Variants in CA4 observed in about 807,000 individuals in gnomAD.
CA4 encodes CA-IV.
A neutral mutation model predicts 34.5 loss-of-function variants in CA4; 24 were observed. That is an observed-to-expected ratio of 0.70 (90% CI 0.50 to 0.98). The LOEUF (loss-of-function observed/expected upper bound fraction) is 0.98. Ranked by LOEUF, CA4 falls within the 50% of genes least tolerant of loss-of-function variation. CA4 has a pLI of 0.00. For missense variants in CA4, 394 were observed against 396.7 expected (o/e 0.99, Z 0.06); for synonymous variants, 178 against 170.6 (o/e 1.04, Z -0.34).
At chr17:60,176,062 T>C in the CA4 span, among the ~76,000 whole-genome samples, 1 of 152,150 alleles carries the variant, frequency 6.6e-6, no homozygotes, top group Non-Finnish European at 1.5e-5. Context: ...GTGATCCACC[T>C]GCTTTGGCCT....
intron 5 of CA4, among the ~76,000 whole-genome samples, chr17:60,164,642 C>T (rs949627904): frequency 9.9e-5 from 15 of 152,146 alleles, no homozygotes; most frequent in Non-Finnish European, 2.1e-4. Context: ...CCACCTGCCT[C>T]GGCCTCCCAA....
At chr17:60,175,189 A>ATTTTTTTTTTTTTTTTTTT (rs555031745), downstream of CA4, among the ~76,000 whole-genome samples, 11 of 107,640 alleles carry the variant, frequency 1.0e-4, 1 homozygote, top group African/African-American at 4.5e-4. Flanking sequence ...CACCCAGCTG[A>ATTTTTTTTTTTTTTTTTTT]TTTTTTTTTT....
chr17:60,158,724 G>A (rs781415058), intron 7 of CA4: 2 of 528,336 alleles, frequency 3.8e-6, no homozygotes, highest in Admixed American at 6.3e-5. Context: ...ACAGCAGTGA[G>A]CCCAAAGGAC....
rs950725125 is a variant in CA4 at position 60,157,877 on chromosome 17, AG to A, written c.513+94del. The A allele has an allele frequency of 2.0e-6, 3 of 1,508,084 alleles. No homozygotes were observed. The African/African-American group carries it at 4.2e-5, about 21-fold the overall frequency. The allele number at this position is 1,508,084 out of a possible 1,614,324, so 93.4% of individuals were successfully genotyped here. A position where few individuals can be genotyped will look rare whatever the true frequency, so the allele number is the denominator to read the frequency against. Reference sequence around the variant, plus strand: ...AGACCTGGGACTCCAGCGAGGCAGGAGGGGGCGGGGAGACTCCAACTTCCGC... The same window carrying A: ...AGACCTGGGACTCCAGCGAGGCAGGAGGGGCGGGGAGACTCCAACTTCCGC... On this transcript the variant is annotated intron_variant, in intron 5 of 7. Transcript: ENST00000300900.
At chr17:60,155,250 C>A (rs770268873) in intron 1 of CA4, 64 bp from the exon 2 acceptor site, 7 of 1,491,782 alleles carry the variant, frequency 4.7e-6, no homozygotes, top group Non-Finnish European at 6.5e-6. Context: ...GCCTCTGATC[C>A]TCCTGTGTGT....
rs1285773904 is a variant in CA4 at position 60,156,752 on chromosome 17, C to A, written c.268+37C>A. On this transcript the variant is annotated intron_variant, in intron 3 of 7. Transcript: ENST00000300900. Reference sequence around the variant, plus strand: ...GGAGGCCCCAGGCAGGCCTGGGCACCCGAGTTCCCCAAGGACTGAGAGGAT... The same window carrying A: ...GGAGGCCCCAGGCAGGCCTGGGCACACGAGTTCCCCAAGGACTGAGAGGAT... 3 of 1,596,308 alleles carry A rather than the reference C, an allele frequency of 1.9e-6. No homozygotes were observed. In the South Asian group the frequency reaches 3.3e-5, roughly 18 times the overall value.
At chr17:60,152,543 G>C (rs1242576084) in intron 1 of CA4, among the ~76,000 whole-genome samples, 2 of 152,202 alleles carry the variant, frequency 1.3e-5, no homozygotes, top group East Asian at 3.8e-4. Flanking sequence ...GCCTGGACCA[G>C]ATGGGCCCCA....
At chr17:60,166,079 T>G (rs1311633394) in intron 5 of CA4, among the ~76,000 whole-genome samples, 1 of 152,178 alleles carries the variant, frequency 6.6e-6, no homozygotes, top group Non-Finnish European at 1.5e-5. Context: ...CCTCCCTCCC[T>G]AATGGGGCAC....
Position 60,156,697 on chromosome 17 carries a change from CA to C in CA4, c.254del (p.Asn85IlefsTer6). On this transcript the variant is annotated frameshift_variant, in exon 3 of 8. Coordinates refer to ENST00000300900, the MANE Select transcript of CA4 (RefSeq NM_000717.5). LOFTEE classifies it high-confidence loss of function. ...CGATAAGAAGCAAACGTGGACTGTCCAAAATAACGGGCACTCAGGTGGGCTG... is the reference window on the plus strand; with the variant it reads ...CGATAAGAAGCAAACGTGGACTGTCCAAATAACGGGCACTCAGGTGGGCTG... ...GYDKKQTWTV[Q>X]NNGHSVMMLL... is the part of the protein sequence containing the mutation. 6.2e-7 allele frequency: 1 copy of C among 1,614,122 alleles called. No individual in the cohort carries two copies. The highest frequency in any genetic ancestry group is 8.5e-7 in the Non-Finnish European group (1 of 1,179,976).
At chr17:60,159,635 C>A (rs1285838457), downstream of CA4, 1 of 626,330 alleles carries the variant, frequency 1.6e-6, no homozygotes, top group Non-Finnish European at 2.8e-6. Flanking sequence ...AGGGCGGGGG[C>A]TTTAAGGCCA....
chr17:60,162,566 C>A (rs2083804613), downstream of CA4, among the ~76,000 whole-genome samples: 1 of 151,824 alleles, frequency 6.6e-6, no homozygotes, highest in South Asian at 2.1e-4. Flanking sequence ...CACACACACA[C>A]ACACACACAC....
intron 1 of CA4, chr17:60,151,367 G>T (rs78790821): frequency 0.019 from 2,870 of 152,326 alleles, 36 homozygotes; most frequent in Middle Eastern, 0.034. Flanking sequence ...GGGTCGAGGG[G>T]CACCTTGCAG....
chr17:60,173,145 AAAACAAAC>A (rs370806539), downstream of CA4, among the ~76,000 whole-genome samples: 282 of 152,234 alleles, frequency 1.9e-3, 2 homozygotes, highest in Non-Finnish European at 2.9e-3. Flanking sequence ...CTCCGTCTCA[AAAACAAAC>A]AAACAAACAA....
chr17:60,170,138 C>G (rs2083899907), intron 5 of CA4, among the ~76,000 whole-genome samples: 1 of 152,192 alleles, frequency 6.6e-6, no homozygotes, highest in Non-Finnish European at 1.5e-5. Context: ...TGGTTTAAAG[C>G]CCACGCTACT....
chr17:60,150,039 G>T lies in CA4; in HGVS notation c.5G>T (p.Arg2Leu). The T allele has an allele frequency of 6.2e-7, 1 of 1,602,358 alleles. No homozygotes were observed. Among genetic ancestry groups the T allele is most frequent in the South Asian group, 1.1e-5 (1 of 90,940 alleles). ...GACTCTTTGCTGTCCCGCAAGATGCGGATGCTGCTGGCGCTCCTGGCCCTC... is the reference window on the plus strand; with the variant it reads ...GACTCTTTGCTGTCCCGCAAGATGCTGATGCTGCTGGCGCTCCTGGCCCTC... M[R>L]MLLALLALSA... The change falls in exon 1 of 8, where the codon CGG (arginine) becomes CTG (leucine). Residue 2 changes from arginine to leucine, a missense_variant. By Grantham distance (102) the Arg-to-Leu change is moderately radical (BLOSUM62 -2). Coordinates refer to ENST00000300900, the MANE Select transcript of CA4 (RefSeq NM_000717.5).
At chr17:60,167,554 T>C (rs1320501609) in intron 5 of CA4, among the ~76,000 whole-genome samples, 1 of 152,216 alleles carries the variant, frequency 6.6e-6, no homozygotes, top group Non-Finnish European at 1.5e-5. Flanking sequence ...GGAAAAATGA[T>C]AGCAAAGAAT....
chr17:60,158,081 G>A lies in CA4; in HGVS notation c.534G>A (p.Glu178=). ...TCCAGGCTGGAACCCAGGTGAACGA[G>A]GGCTTCCAGCCACTGGTGGAGGCAC... The part of the protein sequence containing the change: ...FLVEAGTQVN[E]GFQPLVEALS... Residue 178 remains glutamate (E), a synonymous_variant, in exon 6 of 8, where the codon GAG becomes GAA. Transcript: ENST00000300900. 1.2e-6 allele frequency: 2 copies of A among 1,613,998 alleles called. No homozygotes were observed. Among genetic ancestry groups the A allele is most frequent in the Non-Finnish European group, 1.7e-6 (2 of 1,179,940 alleles).
the CA4 span, among the ~76,000 whole-genome samples, chr17:60,176,554 G>A: frequency 1.1e-4 from 16 of 152,128 alleles, no homozygotes; most frequent in Middle Eastern, 3.4e-3. Context: ...CTCATCTCCT[G>A]ATCTGCACAA....
At chr17:60,152,920 C>T (rs1296441863) in intron 1 of CA4, among the ~76,000 whole-genome samples, 1 of 152,162 alleles carries the variant, frequency 6.6e-6, no homozygotes, top group Non-Finnish European at 1.5e-5. Flanking sequence ...TCAGGCATTT[C>T]TAGCCTCTAG....
Sources: gnomAD v4.1 joint callset for allele counts (sites outside exome capture counted in the v4.1 genomes callset) on GRCh38, gnomAD v4.1.1 for gene constraint, MANE v1.5 for transcripts, NCBI Gene and HGNC (gene_info 2026-07-23, HGNC 2026-07-21) for gene names.